Variants in SYNPO observed in about 807,000 individuals in gnomAD.
The protein encoded by SYNPO is synaptopodin.
SYNPO carries 19 observed loss-of-function variants against 49.5 expected under a neutral mutation model. The observed-to-expected ratio is 0.38, with a 90% CI of 0.27 to 0.56. The LOEUF (loss-of-function observed/expected upper bound fraction) is 0.56. Ranked by LOEUF, SYNPO falls within the 20% of genes least tolerant of loss-of-function variation. SYNPO has a pLI of 0.68. For synonymous variants in SYNPO, 536 were observed against 548.0 expected (o/e 0.98, Z 0.31); for missense variants, 1,131 against 1,248.3 (o/e 0.91, Z 1.42).
chr5:150,644,752 G>A (rs917767472), intron 1 of SYNPO, among the ~76,000 whole-genome samples: 7 of 152,204 alleles, frequency 4.6e-5, no homozygotes, highest in African/African-American at 1.4e-4. Context: ...AGCATGAGCT[G>A]AGCAACCTCT....
chr5:150,609,477 T>C (rs1402466129), intron 1 of SYNPO, among the ~76,000 whole-genome samples: 1 of 152,134 alleles, frequency 6.6e-6, no homozygotes, highest in Non-Finnish European at 1.5e-5. Flanking sequence ...GTATTTTTAG[T>C]AGAAATGGGG....
the SYNPO span, among the ~76,000 whole-genome samples, chr5:150,587,557 T>G: frequency 6.6e-6 from 1 of 152,082 alleles, no homozygotes; most frequent in Non-Finnish European, 1.5e-5. Context: ...CTTCAGAATG[T>G]TAGACTGTTA....
At chr5:150,618,538 G>A in exon 2 of SYNPO, 2 of 1,550,868 alleles carry the variant, frequency 1.3e-6, no homozygotes, top group Non-Finnish European at 1.7e-6. Flanking sequence ...ACCTGGAAGA[G>A]GATGAGGGGG....
At chr5:150,605,418 A>T (rs1001755716) in intron 1 of SYNPO, among the ~76,000 whole-genome samples, 10 of 152,062 alleles carry the variant, frequency 6.6e-5, no homozygotes, top group African/African-American at 2.4e-4. Context: ...AGATGAGGAA[A>T]CTCAGAAAAT....
rs983498921 is a variant in SYNPO at position 150,648,143 on chromosome 5, C to T, written c.-133C>T. On this transcript the variant is annotated 5_prime_UTR_variant, in exon 2 of 3. Coordinates refer to ENST00000307662, the MANE Select transcript of SYNPO (RefSeq NM_007286.6). This position sits in a 1 kb window ranked among gnomAD's most constrained non-coding sequence, Gnocchi z 5.0. ...GGGGACAGAAGCCCAGCCAGGAGTC[C>T]CTCAGAGTGCTCCCTTCAAGCCTCC... 1.3e-5 allele frequency: 20 copies of T among 1,553,220 alleles called. No homozygotes were observed. Among genetic ancestry groups the T allele is most frequent in the Admixed American group, 5.9e-5 (3 of 51,078 alleles).
At chr5:150,625,744 C>G (rs753202053) in intron 2 of SYNPO, among the ~76,000 whole-genome samples, 3 of 152,198 alleles carry the variant, frequency 2.0e-5, no homozygotes, top group Non-Finnish European at 4.4e-5. Context: ...TTTGCTCCCC[C>G]CATTACCCCA....
the SYNPO span, among the ~76,000 whole-genome samples, chr5:150,591,450 G>A: frequency 6.6e-6 from 1 of 152,228 alleles, no homozygotes; most frequent in Non-Finnish European, 1.5e-5. Flanking sequence ...GTGTGGACAA[G>A]GGACGGGGCA....
At chr5:150,607,295 G>A (rs1267085961) in intron 1 of SYNPO, among the ~76,000 whole-genome samples, 1 of 152,214 alleles carries the variant, frequency 6.6e-6, no homozygotes, top group Non-Finnish European at 1.5e-5. Flanking sequence ...ATGTTAGGCT[G>A]CATTAATAAA....
chr5:150,643,953 T>C (rs1758000488), intron 1 of SYNPO, among the ~76,000 whole-genome samples: 1 of 151,902 alleles, frequency 6.6e-6, no homozygotes, highest in Non-Finnish European at 1.5e-5. Context: ...GGTGGGTGGA[T>C]CACTTGAGCT....
At position 150,647,957 on chromosome 5, in the gene SYNPO, C is replaced by G. The variant is rs1448698829; in HGVS notation, c.-319C>G. The G allele has an allele frequency of 4.5e-6, 7 of 1,551,758 alleles. No individual in the cohort carries two copies. Among genetic ancestry groups the G allele is most frequent in the African/African-American group, 1.4e-5 (1 of 73,160 alleles). ...CCCTCCCTGTAGCGTTGGGCCGGAGCACTAGCCTCACGGAGAAGGATCTGA... is the reference window on the plus strand; with the variant it reads ...CCCTCCCTGTAGCGTTGGGCCGGAGGACTAGCCTCACGGAGAAGGATCTGA... On this transcript the variant is annotated 5_prime_UTR_variant, in exon 2 of 3. Coordinates refer to ENST00000307662, the MANE Select transcript of SYNPO (RefSeq NM_007286.6).
At chr5:150,595,118 C>T in the SYNPO span, among the ~76,000 whole-genome samples, 31 of 152,280 alleles carry the variant, frequency 2.0e-4, no homozygotes, top group African/African-American at 6.3e-4. Context: ...GAAGCTGAGG[C>T]GGACCCTCTT....
chr5:150,612,290 C>T (rs751570679), intron 1 of SYNPO, among the ~76,000 whole-genome samples: 16 of 152,134 alleles, frequency 1.1e-4, no homozygotes, highest in Non-Finnish European at 2.4e-4. Flanking sequence ...AGGATGCCTC[C>T]GTTTTGCTCC....
At chr5:150,618,428 T>C (rs1757041604) in exon 2 of SYNPO, 1 of 1,551,452 alleles carries the variant, frequency 6.4e-7, no homozygotes, top group African/African-American at 1.4e-5. Flanking sequence ...GCCTACCCCC[T>C]GCGCCTTCCA....
intron 1 of SYNPO, among the ~76,000 whole-genome samples, chr5:150,606,451 A>G (rs1259817875): frequency 3.3e-5 from 5 of 152,226 alleles, no homozygotes; most frequent in Non-Finnish European, 1.5e-5. Flanking sequence ...TACATGGAGA[A>G]GAGGGGAAGT....
intron 2 of SYNPO, chr5:150,653,796 T>C (rs774369725): frequency 1.8e-4 from 28 of 152,172 alleles, no homozygotes; most frequent in Admixed American, 3.3e-4. Flanking sequence ...AAGAAAACAG[T>C]GGGATCCCAG....
chr5:150,595,030 T>C, the SYNPO span, among the ~76,000 whole-genome samples: 2 of 152,216 alleles, frequency 1.3e-5, no homozygotes, highest in Non-Finnish European at 2.9e-5. Flanking sequence ...GATTTCCATG[T>C]AGGAAATATT....
At chr5:150,632,204 T>C (rs377201197) in intron 2 of SYNPO, among the ~76,000 whole-genome samples, 7 of 152,206 alleles carry the variant, frequency 4.6e-5, no homozygotes, top group East Asian at 3.8e-4. Context: ...GTATGGCCCA[T>C]GGATGCAGTA....
At chr5:150,656,156 G>A (rs1303662793) in intron 2 of SYNPO, among the ~76,000 whole-genome samples, 6 of 152,228 alleles carry the variant, frequency 3.9e-5, no homozygotes, top group Admixed American at 6.5e-5. Context: ...AGCTCAGTTA[G>A]TAAGTTAAGG....
intron 1 of SYNPO, among the ~76,000 whole-genome samples, chr5:150,610,818 A>T (rs1340118559): frequency 2.0e-5 from 3 of 152,190 alleles, no homozygotes; most frequent in Non-Finnish European, 4.4e-5. Flanking sequence ...ATGAAATCTT[A>T]TTTTTTATAT....
Sources: gnomAD v4.1 joint callset for allele counts (sites outside exome capture counted in the v4.1 genomes callset) on GRCh38, gnomAD v4.1.1 for gene constraint, Gnocchi (gnomAD v3.1) non-coding constraint, MANE v1.5 for transcripts, NCBI Gene and HGNC (gene_info 2026-07-23, HGNC 2026-07-21) for gene names.